STK32A: variants seen among roughly 807,000 people sequenced by gnomAD.
STK32A encodes serine/threonine kinase 32A, also known as serine/threonine-protein kinase 32A.
STK32A carries 41 observed loss-of-function variants against 53.2 expected under a neutral mutation model. That is an observed-to-expected ratio of 0.77 (90% confidence interval 0.60 to 1.00). The LOEUF (loss-of-function observed/expected upper bound fraction) is 1.00, where lower values mean the gene tolerates loss of function less well. STK32A is among the 50% of genes least tolerant of loss of function. The probability of loss-of-function intolerance (pLI) is 0.00; values close to 1 mark genes in which losing one functional copy is unlikely to be tolerated. For missense variants in STK32A, 458 were observed against 485.8 expected (o/e 0.94, Z 0.54); for synonymous variants, 166 against 162.8 (o/e 1.02, Z -0.15).
chr5:147,320,073 A>G (rs904309057), intron 4 of STK32A, among the ~76,000 whole-genome samples: 5 of 152,182 alleles, frequency 3.3e-5, no homozygotes, highest in African/African-American at 9.7e-5. Flanking sequence ...TGTTAATAGC[A>G]TTTATCCTAT....
chr5:147,366,265 T>G (rs1166619721), intron 8 of STK32A, among the ~76,000 whole-genome samples: 1 of 152,226 alleles, frequency 6.6e-6, no homozygotes, highest in Non-Finnish European at 1.5e-5. Context: ...AACCTCTTGT[T>G]CCTTCGCCTA....
At chr5:147,251,736 C>CATAT (rs1388140738) in intron 2 of STK32A, among the ~76,000 whole-genome samples, 2 of 151,972 alleles carry the variant, frequency 1.3e-5, no homozygotes, top group African/African-American at 4.8e-5. Context: ...AACTCACATG[C>CATAT]ATATGCCTTA....
At chr5:147,360,471 A>G (rs1326492685) in intron 7 of STK32A, among the ~76,000 whole-genome samples, 2 of 143,986 alleles carry the variant, frequency 1.4e-5, no homozygotes, top group African/African-American at 5.4e-5. Flanking sequence ...AAAAAAAGAA[A>G]AAAAAAAGAA....
intron 2 of STK32A, among the ~76,000 whole-genome samples, chr5:147,277,599 A>T (rs1169478748): frequency 2.6e-5 from 4 of 152,148 alleles, no homozygotes; most frequent in Non-Finnish European, 5.9e-5. Flanking sequence ...GATACAAAAG[A>T]GTGGTTGTAG....
chr5:147,300,370 A>G (rs1216129329), intron 4 of STK32A, among the ~76,000 whole-genome samples: 1 of 152,082 alleles, frequency 6.6e-6, no homozygotes, highest in African/African-American at 2.4e-5. Context: ...ATCCCTATAC[A>G]CATCTCTGAG....
intron 5 of STK32A, among the ~76,000 whole-genome samples, chr5:147,331,760 G>T (rs900579910): frequency 6.6e-6 from 1 of 152,128 alleles, no homozygotes; most frequent in Non-Finnish European, 1.5e-5. Flanking sequence ...CATACAAAGA[G>T]TGAAGATGAT....
chr5:147,277,526 T>C (rs1430167766), intron 2 of STK32A, among the ~76,000 whole-genome samples: 2 of 152,184 alleles, frequency 1.3e-5, no homozygotes, highest in African/African-American at 4.8e-5. Flanking sequence ...ACTTTGGAGA[T>C]TAGTTCATGC....
intron 10 of STK32A, among the ~76,000 whole-genome samples, chr5:147,374,608 G>T (rs1757151621): frequency 6.6e-6 from 1 of 152,062 alleles, no homozygotes; most frequent in Middle Eastern, 3.2e-3. Flanking sequence ...CCTGCAATTA[G>T]CCATCAATGC....
chr5:147,319,661 T>C (rs1754200156), intron 4 of STK32A, among the ~76,000 whole-genome samples: 1 of 152,134 alleles, frequency 6.6e-6, no homozygotes, highest in Non-Finnish European at 1.5e-5. Context: ...AAAATGTAAA[T>C]TTGTACTTAA....
chr5:147,361,679 G>A (rs1756511954), intron 8 of STK32A, 65 bp downstream of exon 8: 4 of 1,218,440 alleles, frequency 3.3e-6, no homozygotes, highest in Non-Finnish European at 4.8e-6. Flanking sequence ...ATGAAAGAAT[G>A]TATTGTTTGC....
rs985252565 is a variant in STK32A, at chr5:147,375,376, A to C, written c.1032+158A>C. ...CCGGGTTTCTAAAAGGGCAGACCAG[A>C]GCTCCTCTGAGGATCCTAGCAGCAA... On this transcript the variant is annotated intron_variant, in intron 11 of 12. Transcript: ENST00000397936. 4.5e-5 allele frequency: 36 copies of C among 805,062 alleles called. 1 individual carries two copies. Among genetic ancestry groups the C allele is most frequent in the Middle Eastern group, 3.6e-4 (1 of 2,760 alleles). 49.9% of individuals were successfully genotyped at this position (805,062 alleles called of 1,614,324 possible). A position where few individuals can be genotyped will look rare whatever the true frequency, so the allele number is the denominator to read the frequency against.
intron 2 of STK32A, among the ~76,000 whole-genome samples, chr5:147,241,709 T>C (rs1005710382): frequency 5.3e-5 from 8 of 152,172 alleles, no homozygotes; most frequent in African/African-American, 1.7e-4. Context: ...AGCAAAGATC[T>C]AGAGACTAGT....
intron 11 of STK32A, among the ~76,000 whole-genome samples, chr5:147,380,677 G>T (rs926498777): frequency 6.6e-6 from 1 of 152,180 alleles, no homozygotes; most frequent in African/African-American, 2.4e-5. Context: ...GGACAGTGCA[G>T]TGTCAAAGCA....
chr5:147,372,132 G>A (rs541515878), intron 9 of STK32A, among the ~76,000 whole-genome samples: 1 of 152,088 alleles, frequency 6.6e-6, no homozygotes, highest in South Asian at 2.1e-4. Context: ...AATAAATGAG[G>A]TCCACAGCTT....
At chr5:147,309,865 C>T (rs4705160) in intron 4 of STK32A, among the ~76,000 whole-genome samples, 120,995 of 152,068 alleles carry the variant, frequency 0.8, 48,255 homozygotes, top group Middle Eastern at 0.9. Context: ...TTCTAACTCC[C>T]GACTCCCAAA....
chr5:147,365,446 T>A (rs568235702), intron 8 of STK32A, among the ~76,000 whole-genome samples: 1 of 152,282 alleles, frequency 6.6e-6, no homozygotes, highest in East Asian at 1.9e-4. Context: ...AAGCCAAATG[T>A]GTAAGTCCTA....
At chr5:147,314,525 AAC>A (rs1554104288) in intron 4 of STK32A, among the ~76,000 whole-genome samples, 3,240 of 22,184 alleles carry the variant, frequency 0.15, 354 homozygotes, top group African/African-American at 0.34. Context: ...AACAAAAAAA[AAC>A]AAAAAAAAAA....
At chr5:147,335,789 G>A (rs1018688040) in intron 5 of STK32A, among the ~76,000 whole-genome samples, 4 of 152,160 alleles carry the variant, frequency 2.6e-5, no homozygotes, top group African/African-American at 9.7e-5. Flanking sequence ...GTGTGTGTGT[G>A]TATGTGTGTG....
intron 2 of STK32A, among the ~76,000 whole-genome samples, chr5:147,273,126 T>C (rs895268881): frequency 1.3e-5 from 2 of 152,206 alleles, no homozygotes; most frequent in African/African-American, 4.8e-5. Flanking sequence ...TAAAAAGGGT[T>C]TCCTTTTTTC....
Sources: gnomAD v4.1 joint callset for allele counts (sites outside exome capture counted in the v4.1 genomes callset) on GRCh38, gnomAD v4.1.1 for gene constraint, MANE v1.5 for transcripts, NCBI Gene and HGNC (gene_info 2026-07-23, HGNC 2026-07-21) for gene names.